The following PAPPA2 variants were observed in gnomAD, a reference collection of about 807,000 sequenced individuals.
The protein encoded by PAPPA2 is pappalysin 2.
A neutral mutation model predicts 176.4 loss-of-function variants in PAPPA2; 86 were observed. The observed-to-expected ratio is 0.49, with a 90% CI of 0.41 to 0.58. The LOEUF is 0.58. Among genes scored for constraint, PAPPA2 ranks in the 20% least tolerant of loss-of-function variants. PAPPA2 has a pLI of 0.00. For synonymous variants in PAPPA2, 809 were observed against 852.2 expected (o/e 0.95, Z 0.88); for missense variants, 2,073 against 2,256.9 (o/e 0.92, Z 1.65).
chr1:176,539,623 T>G (rs745558462), intron 1 of PAPPA2, among the ~76,000 whole-genome samples: 3 of 151,688 alleles, frequency 2.0e-5, no homozygotes, highest in Non-Finnish European at 4.4e-5. Flanking sequence ...GTCATGTGAT[T>G]TTTTTTTTCC....
At chr1:176,753,925 A>G (rs969506650) in intron 14 of PAPPA2, among the ~76,000 whole-genome samples, 2 of 151,950 alleles carry the variant, frequency 1.3e-5, no homozygotes, top group Admixed American at 1.3e-4. Flanking sequence ...CCCACTAGAG[A>G]GGATTCTGAT....
chr1:176,678,630 ATTT>A (rs879898675), intron 4 of PAPPA2, among the ~76,000 whole-genome samples: 2 of 145,474 alleles, frequency 1.4e-5, no homozygotes, highest in Admixed American at 1.4e-4. Context: ...CATTTCAAAT[ATTT>A]TTTTTTTTTT....
chr1:176,764,087 T>C (rs1276457217), intron 14 of PAPPA2, among the ~76,000 whole-genome samples: 2 of 152,086 alleles, frequency 1.3e-5, no homozygotes, highest in African/African-American at 4.8e-5. Flanking sequence ...GGAACTAACC[T>C]ATTACAGTGA....
intron 19 of PAPPA2, among the ~76,000 whole-genome samples, chr1:176,791,807 G>C (rs1049035773): frequency 6.6e-6 from 1 of 152,182 alleles, no homozygotes; most frequent in Non-Finnish European, 1.5e-5. Context: ...GCCCACCTCA[G>C]CTGGGATTAC....
At chr1:176,570,277 T>C (rs1652245608) in intron 2 of PAPPA2, among the ~76,000 whole-genome samples, 1 of 152,200 alleles carries the variant, frequency 6.6e-6, no homozygotes, top group African/African-American at 2.4e-5. Context: ...AAATCTGGAG[T>C]TTTAAAAACT....
chr1:176,675,072 A>G (rs1042765662), intron 4 of PAPPA2, among the ~76,000 whole-genome samples: 5 of 151,928 alleles, frequency 3.3e-5, no homozygotes, highest in Non-Finnish European at 7.4e-5. Flanking sequence ...CTTGGTCATG[A>G]ACTCTTTGCC....
intron 2 of PAPPA2, among the ~76,000 whole-genome samples, chr1:176,574,639 T>C (rs906577248): frequency 7.9e-5 from 12 of 152,200 alleles, no homozygotes; most frequent in Non-Finnish European, 1.3e-4. Flanking sequence ...AGCTATTGGC[T>C]ACTCTCTGGA....
intron 3 of PAPPA2, among the ~76,000 whole-genome samples, chr1:176,603,303 A>C (rs998467809): frequency 3.9e-5 from 6 of 152,222 alleles, no homozygotes; most frequent in African/African-American, 1.4e-4. Context: ...CTGCACACTT[A>C]CACATTTTTC....
intron 3 of PAPPA2, among the ~76,000 whole-genome samples, chr1:176,610,931 TG>T (rs1171330044): frequency 6.6e-6 from 1 of 152,148 alleles, no homozygotes; most frequent in African/African-American, 2.4e-5. Flanking sequence ...TCAGTTCAGG[TG>T]GGAGAGACAG....
chr1:176,789,806 C>T lies in PAPPA2; in HGVS notation c.4716-3C>T, dbSNP rs41266140. On this transcript the variant is annotated splice_polypyrimidine_tract_variant and splice_region_variant and intron_variant, in intron 17 of 22. Transcript: ENST00000367662. ...GAGCTATTTTTGTTTTATGTTTTAT[C>T]AGCAAGCTCCTGAAGATACAATGCC... 2.5e-6 allele frequency: 4 copies of T among 1,611,952 alleles called. No individual in the cohort carries two copies. Among genetic ancestry groups the T allele is most frequent in the Non-Finnish European group, 3.4e-6 (4 of 1,178,950 alleles).
intron 1 of PAPPA2, among the ~76,000 whole-genome samples, chr1:176,535,946 T>A (rs536501794): frequency 6.6e-6 from 1 of 152,320 alleles, no homozygotes; most frequent in South Asian, 2.1e-4. Context: ...TTTGATGGTC[T>A]CCTGACAAGT....
intron 3 of PAPPA2, among the ~76,000 whole-genome samples, chr1:176,623,610 C>CTTACTTT (rs1558479000): frequency 4.1e-4 from 39 of 95,620 alleles, no homozygotes; most frequent in Non-Finnish European, 7.5e-4. Flanking sequence ...TTCCTTCCTT[C>CTTACTTT]CTTCCTTCCT....
At chr1:176,834,196 A>G (rs1485538070) in intron 21 of PAPPA2, among the ~76,000 whole-genome samples, 2 of 152,218 alleles carry the variant, frequency 1.3e-5, no homozygotes, top group Non-Finnish European at 2.9e-5. Context: ...GTTAAGCTCT[A>G]TAATAAATAT....
At chr1:176,572,676 A>G (rs1558445531) in intron 2 of PAPPA2, among the ~76,000 whole-genome samples, 1 of 152,234 alleles carries the variant, frequency 6.6e-6, no homozygotes, top group Non-Finnish European at 1.5e-5. Flanking sequence ...TATGAGTAGG[A>G]TGTGTACATT....
In PAPPA2 at chr1:176,470,760, A is replaced by G. The variant is rs574977336; in HGVS notation, c.-917+7342A>G. 3.3e-5 allele frequency among the ~76,000 whole-genome samples: 5 copies of G among 152,362 alleles called. No homozygotes were observed. In the South Asian group the frequency reaches 8.3e-4, roughly 25 times the overall value. On this transcript the variant is annotated intron_variant, in intron 1 of 22. Coordinates refer to ENST00000367662, the MANE Select transcript of PAPPA2 (RefSeq NM_020318.3). The stretch of plus-strand genomic sequence containing the variant: ...TTTTAAAAACAACACAACAATTCCA[A>G]GAATACTTTGTGCTTATCAGCTTTG...
intron 21 of PAPPA2, among the ~76,000 whole-genome samples, chr1:176,808,784 T>C (rs1279833246): frequency 1.3e-5 from 2 of 152,058 alleles, no homozygotes; most frequent in Non-Finnish European, 2.9e-5. Context: ...AAAAAAGTGA[T>C]ATAAAAAGAT....
chr1:176,499,952 G>A (rs1647863588), intron 1 of PAPPA2, among the ~76,000 whole-genome samples: 1 of 152,118 alleles, frequency 6.6e-6, no homozygotes, highest in African/African-American at 2.4e-5. Flanking sequence ...AGGTCATCAT[G>A]TTCTTTCAAT....
At position 176,690,385 on chromosome 1, in the gene PAPPA2, A is replaced by G. The variant is rs1333872171; in HGVS notation, c.2386A>G (p.Thr796Ala). The change falls in exon 5 of 23, where the codon ACT becomes GCT. Residue 796 changes from threonine to alanine, a missense_variant. Around this residue, in one of 4 missense-constraint regions of PAPPA2, gnomAD observed 1,196 missense variants for 1,330.4 expected, o/e 0.90. Transcript: ENST00000367662. ...GCCCACTAGTGACACCTGTGGCTTC[A>G]CTCGCTTCCCAGGGGCTCCGTTCAC... ...PEPTSDTCGF[T>A]RFPGAPFTNY... 1.1e-5 allele frequency: 17 copies of G among 1,614,052 alleles called. No homozygotes were observed. Among genetic ancestry groups the G allele is most frequent in the South Asian group, 3.3e-5 (3 of 91,074 alleles).
chr1:176,833,717 G>A (rs1003886953), intron 21 of PAPPA2, among the ~76,000 whole-genome samples: 1 of 152,076 alleles, frequency 6.6e-6, no homozygotes, highest in Non-Finnish European at 1.5e-5. Context: ...TGGCTGAAAC[G>A]TAAGTATGAT....
Sources: allele counts gnomAD v4.1 joint callset (sites outside exome capture counted in the v4.1 genomes callset), GRCh38; gene constraint gnomAD v4.1.1; regional missense constraint gnomAD v4.1.1; transcripts MANE v1.5; gene names NCBI Gene and HGNC (gene_info 2026-07-23, HGNC 2026-07-21).